The following CHRNA2 variants were observed in gnomAD, a reference collection of about 807,000 sequenced individuals.
CHRNA2 encodes the protein neuronal acetylcholine receptor subunit alpha-2.
In CHRNA2, 40 loss-of-function variants were observed where a neutral mutation model predicts 45.5. That is an observed-to-expected ratio of 0.88 (90% CI 0.68 to 1.15). CHRNA2 has a LOEUF of 1.15. Among genes scored for constraint, CHRNA2 ranks in the 50% most tolerant of loss-of-function variants. The pLI, the probability that CHRNA2 is intolerant of heterozygous loss-of-function variation, is 0.00. For synonymous variants in CHRNA2, 301 were observed against 296.7 expected (o/e 1.01, Z -0.15); for missense variants, 655 against 701.7 (o/e 0.93, Z 0.75).
At chr8:27,470,125 A>G (rs1812831336) in intron 2 of CHRNA2, 144 bp from the exon 3 acceptor site, 1 of 822,948 alleles carries the variant, frequency 1.2e-6, no homozygotes, top group South Asian at 1.5e-5. Flanking sequence ...CAGCATGAGC[A>G]GGCTGCGGGG....
Position 27,463,645 on chromosome 8 carries a change from G to C in CHRNA2, c.798C>G (p.Leu266=), listed in dbSNP as rs1812596543. The change falls in exon 6 of 7, where the codon CTC becomes CTG. Residue 266 remains leucine (L), a synonymous_variant. Coordinates refer to ENST00000407991, the MANE Select transcript of CHRNA2 (RefSeq NM_000742.4). This position sits in a 1 kb window ranked among gnomAD's most constrained non-coding sequence, Gnocchi z 6.1. ...TYAFVIRRLP[L]FYTINLIIPC... ...GGATGATGAGGTTGATGGTGTAGAA[G>C]AGCGGCAGCCGCCGGATGACGAAGG... The C allele has an allele frequency of 6.2e-7, 1 of 1,614,030 alleles. No homozygotes were observed. The highest frequency in any genetic ancestry group is 1.3e-5 in the African/African-American group (1 of 74,906).
At position 27,461,743 on chromosome 8, in the gene CHRNA2, G is replaced by A; in HGVS notation, c.1476C>T (p.Asp492=). 6.2e-7 allele frequency: 1 copy of A among 1,614,180 alleles called. No individual in the cohort carries two copies. The highest frequency in any genetic ancestry group is 8.5e-7 in the Non-Finnish European group (1 of 1,179,994). Residue 492 remains aspartate (D), a synonymous_variant, in exon 7 of 7, where the codon GAC becomes GAT. Coordinates refer to ENST00000407991, the MANE Select transcript of CHRNA2 (RefSeq NM_000742.4). ...CGATGACCATGGCAACATACTTCCA[G>A]TCCTCCTTCACCTGTGGGGAAGACA... ...SEDADSSVKE[D]WKYVAMVIDR... is the part of the protein sequence containing the mutation.
Position 27,467,331 on chromosome 8 carries a change from C to A in CHRNA2, c.347G>T (p.Ser116Ile), listed in dbSNP as rs541282922. 205 of 1,610,348 alleles carry A rather than the reference C, an allele frequency of 1.3e-4. 5 individuals are homozygous for A. In the South Asian group the frequency reaches 2.1e-3, roughly 16 times the overall value. The change falls in exon 5 of 7, where the codon AGC (serine) becomes ATC (isoleucine). Residue 116 changes from serine to isoleucine, a missense_variant. Physicochemically the swap from Ser to Ile is moderately radical, Grantham distance 142. This residue lies in a region of CHRNA2 where 323 missense variants were observed against 354.4 expected (regional missense o/e 0.91). Transcript: ENST00000407991. ...TTNVWLKQEW[S>I]DYKLRWNPTD... ...GGGGTTCCAGCGCAGTTTGTAGTCG[C>A]TCCACTCCTGTGTGTGGGGAAGGAG...
Position 27,478,813 on chromosome 8 carries a change from A to G in CHRNA2, c.-137+11T>C, listed in dbSNP as rs886062848. 2.0e-5 allele frequency: 3 copies of G among 152,184 alleles called. No individual in the cohort carries two copies. Among genetic ancestry groups the G allele is most frequent in the Admixed American group, 2.0e-4 (3 of 15,278 alleles). 9.4% of individuals were successfully genotyped at this position (152,184 alleles called of 1,614,324 possible). ...GCCGCCCTCAACATAAGCCTTGGGT[A>G]CCTTTCTTACCTGTGGTTACAGAAG... On this transcript the variant is annotated intron_variant, in intron 1 of 6. Transcript: ENST00000407991.
rs1247162073 is a variant in CHRNA2 at position 27,461,494 on chromosome 8, A to G, written c.*135T>C. 9.7e-6 allele frequency: 12 copies of G among 1,240,804 alleles called. No individual in the cohort carries two copies. Among genetic ancestry groups the G allele is most frequent in the Non-Finnish European group, 1.3e-5 (11 of 876,950 alleles). The allele number at this position is 1,240,804 out of a possible 1,614,324, so 76.9% of individuals were successfully genotyped here. ...ACGTTAAGCTGGATGGAAGCCTGCA[A>G]TCCCTGGGTCAGTGTCCAGACTCCG... On this transcript the variant is annotated 3_prime_UTR_variant, in exon 7 of 7. Coordinates refer to ENST00000407991, the MANE Select transcript of CHRNA2 (RefSeq NM_000742.4).
chr8:27,469,288 T>C lies in CHRNA2; in HGVS notation c.339+47A>G, dbSNP rs926906905. On this transcript the variant is annotated intron_variant, in intron 4 of 6. Coordinates refer to ENST00000407991, the MANE Select transcript of CHRNA2 (RefSeq NM_000742.4). Reference sequence around the variant, plus strand: ...AAGTCCTGGAGGGGTCTGGGGTCCATGGATTCCCGGTACCCGCCACCTGGA... The same window carrying C: ...AAGTCCTGGAGGGGTCTGGGGTCCACGGATTCCCGGTACCCGCCACCTGGA... The C allele has an allele frequency of 2.6e-6, 4 of 1,537,670 alleles. No homozygotes were observed. In the East Asian group the frequency reaches 9.8e-5, roughly 38 times the overall value.
At position 27,463,767 on chromosome 8, in the gene CHRNA2, A is replaced by T. The variant is rs1259563937; in HGVS notation, c.676T>A (p.Trp226Arg). The T allele has an allele frequency of 1.2e-6, 2 of 1,614,028 alleles. No individual in the cohort carries two copies. Among genetic ancestry groups the T allele is most frequent in the Non-Finnish European group, 8.5e-7 (1 of 1,180,028 alleles). ...ACGATGGCCCACTCGCCGCTCTCCC[A>T]GTAGTCCTTCAGGTCCACAGTCTGC... ...MEQTVDLKDY[W>R]ESGEWAIVNA... The change falls in exon 6 of 7, where the codon TGG (tryptophan) becomes AGG (arginine). Residue 226 changes from tryptophan (W) to arginine (R), a missense_variant. Trp to Arg is a moderately radical substitution (Grantham distance 101). Coordinates refer to ENST00000407991, the MANE Select transcript of CHRNA2 (RefSeq NM_000742.4). The surrounding 1 kb of genome is among the most constrained non-coding windows in gnomAD (Gnocchi z 6.1).
intron 1 of CHRNA2, among the ~76,000 whole-genome samples, chr8:27,477,702 A>C (rs1346726): frequency 0.1 from 15,420 of 152,152 alleles, 1,910 homozygotes; most frequent in African/African-American, 0.3. Context: ...ATGTCAAAAA[A>C]AAAAGAGCTG....
In CHRNA2 at chr8:27,463,552, G is replaced by A; in HGVS notation, c.891C>T (p.Ile297=). 3 of 1,614,234 alleles carry A rather than the reference G, an allele frequency of 1.9e-6. No homozygotes were observed. Among genetic ancestry groups the A allele is most frequent in the Non-Finnish European group, 2.5e-6 (3 of 1,180,040 alleles). Reference sequence around the variant, plus strand: ...ACAGCAGCACCGAAATGCACAGCGTGATCTTCTCGCCGCAGTCGGAGGGCA... The same window carrying A: ...ACAGCAGCACCGAAATGCACAGCGTAATCTTCTCGCCGCAGTCGGAGGGCA... ...FYLPSDCGEK[I]TLCISVLLSL... Residue 297 remains isoleucine, a synonymous_variant, in exon 6 of 7, where the codon ATC becomes ATT. Coordinates refer to ENST00000407991, the MANE Select transcript of CHRNA2 (RefSeq NM_000742.4). The surrounding 1 kb of genome is among the most constrained non-coding windows in gnomAD (Gnocchi z 6.1).
Position 27,471,030 on chromosome 8 carries a change from G to A in CHRNA2, c.29C>T (p.Ser10Phe), listed in dbSNP as rs764360561. 1 of 1,614,128 alleles carries A rather than the reference G, an allele frequency of 6.2e-7. No individual in the cohort carries two copies. The highest frequency in any genetic ancestry group is 8.5e-7 in the Non-Finnish European group (1 of 1,179,996). The change falls in exon 2 of 7, where the codon TCC (serine) becomes TTC (phenylalanine). Residue 10 changes from serine to phenylalanine, a missense_variant. Physicochemically the swap from Ser to Phe is radical, Grantham distance 155. Transcript: ENST00000407991. ...CCACCACAGGCTGAGCTTTGTGAAG[G>A]ACAGGAACACAGGACAGGAGGGGCC... Reference protein sequence around the residue: MGPSCPVFLSFTKLSLWWLL... With the variant: MGPSCPVFLFFTKLSLWWLL...
rs1586396087 is a variant in CHRNA2, at chr8:27,467,631, G to A, written c.340-293C>T. On this transcript the variant is annotated intron_variant, in intron 4 of 6. Transcript: ENST00000407991. Reference sequence around the variant, plus strand: ...GCCAATCCCTGGCTGGACGACCTTGGTGGGCCACCTCACTCATCTCTAGTG... The same window carrying A: ...GCCAATCCCTGGCTGGACGACCTTGATGGGCCACCTCACTCATCTCTAGTG... The A allele has an allele frequency of 9.8e-6, 4 of 406,360 alleles. No homozygotes were observed. The East Asian group carries it at 1.9e-4, about 20-fold the overall frequency. The allele number at this position is 406,360 out of a possible 1,614,324, so 25.2% of individuals were successfully genotyped here.
At chr8:27,475,060 T>C (rs1163951718) in intron 1 of CHRNA2, among the ~76,000 whole-genome samples, 1 of 152,226 alleles carries the variant, frequency 6.6e-6, no homozygotes, top group East Asian at 1.9e-4. Context: ...TTAGAGGTGA[T>C]TATTATTCTT....
chr8:27,469,526 T>C (rs995433802), intron 3 of CHRNA2, 147 bp from the exon 4 acceptor site: 8 of 930,448 alleles, frequency 8.6e-6, no homozygotes, highest in Non-Finnish European at 1.4e-5. Flanking sequence ...CTGCCACCCT[T>C]ACTCAGATTC....
chr8:27,471,365 C>G lies in CHRNA2; in HGVS notation c.-136-171G>C, dbSNP rs182483939. 2,577 of 368,820 alleles carry G rather than the reference C, an allele frequency of 7.0e-3. 13 individuals are homozygous for G. Among genetic ancestry groups the G allele is most frequent in the Admixed American group, 0.013 (334 of 26,146 alleles). The allele number at this position is 368,820 out of a possible 1,614,324, so 22.8% of individuals were successfully genotyped here. On this transcript the variant is annotated intron_variant, in intron 1 of 6. Coordinates refer to ENST00000407991, the MANE Select transcript of CHRNA2 (RefSeq NM_000742.4). ...GGCTTATTGAGGAATCAGCCTCTTC[C>G]TCTTTCTCCAGAGTCAGCCAGCGAC...
intron 1 of CHRNA2, among the ~76,000 whole-genome samples, chr8:27,478,138 C>T (rs1449086314): frequency 6.6e-6 from 1 of 152,218 alleles, no homozygotes; most frequent in Non-Finnish European, 1.5e-5. Context: ...CAGAACCTCC[C>T]CAAGCATACA....
intron 1 of CHRNA2, among the ~76,000 whole-genome samples, chr8:27,478,376 C>T (rs1389565740): frequency 2.0e-5 from 3 of 152,218 alleles, no homozygotes; most frequent in Non-Finnish European, 4.4e-5. Context: ...ATGGAGGAAT[C>T]CACTTCACAA....
rs1464665549 is a variant in CHRNA2 at position 27,463,160 on chromosome 8, T to G, written c.1283A>C (p.His428Pro). The G allele has an allele frequency of 1.9e-6, 3 of 1,599,558 alleles. No homozygotes were observed. Among genetic ancestry groups the G allele is most frequent in the African/African-American group, 2.7e-5 (2 of 74,728 alleles). ...GAGGGTGCCCACAGAGGGGGCCACA[T>G]GACCTGCACATGCCCATCTGTCCTC... is the stretch of plus-strand genomic sequence containing the variant. The part of the protein sequence containing the change: ...EEEDRWACAG[H>P]VAPSVGTLCS... Residue 428 changes from histidine to proline, a missense_variant, in exon 6 of 7, where the codon CAT becomes CCT. Coordinates refer to ENST00000407991, the MANE Select transcript of CHRNA2 (RefSeq NM_000742.4). The surrounding 1 kb of genome is among the most constrained non-coding windows in gnomAD (Gnocchi z 6.1).
chr8:27,473,029 G>A (rs1049152142), intron 1 of CHRNA2, among the ~76,000 whole-genome samples: 3 of 151,986 alleles, frequency 2.0e-5, no homozygotes, highest in African/African-American at 7.3e-5. Context: ...ATTGGGAAAA[G>A]CAGTATTTTA....
intron 4 of CHRNA2, 100 bp from the exon 5 acceptor site, chr8:27,467,438 C>A: frequency 1.1e-6 from 1 of 916,202 alleles, no homozygotes; most frequent in East Asian, 2.6e-5. Context: ...CCAAGCAGCC[C>A]CCTTGGAGCA....
Sources: gnomAD v4.1 joint callset for allele counts (sites outside exome capture counted in the v4.1 genomes callset) on GRCh38, gnomAD v4.1.1 for gene constraint, gnomAD v4.1.1 regional missense constraint, Gnocchi (gnomAD v3.1) non-coding constraint, MANE v1.5 for transcripts, NCBI Gene and HGNC (gene_info 2026-07-23, HGNC 2026-07-21) for gene names.